Variants in GRM1 observed in about 807,000 individuals in gnomAD.
The protein encoded by GRM1 is glutamate metabotropic receptor 1.
A neutral mutation model predicts 90.9 loss-of-function variants in GRM1; 33 were observed. That is an observed-to-expected ratio of 0.36 (90% CI 0.28 to 0.49). The LOEUF (loss-of-function observed/expected upper bound fraction) is 0.49, where lower values mean the gene tolerates loss of function less well. GRM1 is among the 20% of genes least tolerant of loss of function. The probability of loss-of-function intolerance (pLI) is 0.99; values close to 1 mark genes in which losing one functional copy is unlikely to be tolerated. For missense variants in GRM1, 1,190 were observed against 1,534.3 expected (o/e 0.78, Z 3.75); for synonymous variants, 700 against 613.2 (o/e 1.14, Z -2.09).
At chr6:146,348,535 G>C (rs1785262147) in intron 3 of GRM1, among the ~76,000 whole-genome samples, 1 of 152,214 alleles carries the variant, frequency 6.6e-6, no homozygotes, top group Non-Finnish European at 1.5e-5. Flanking sequence ...GAGTAAGAGA[G>C]CATAGGTACT....
At position 146,398,935 on chromosome 6, in the gene GRM1, C is replaced by T. The variant is rs1332577654; in HGVS notation, c.1896C>T (p.Tyr632=). 2 of 1,614,020 alleles carry T rather than the reference C, an allele frequency of 1.2e-6. No homozygotes were observed. The highest frequency in any genetic ancestry group is 1.3e-5 in the African/African-American group (1 of 74,924). Residue 632 remains tyrosine, a synonymous_variant, in exon 7 of 8, where the codon TAC becomes TAT. Transcript: ENST00000282753. ...AATCCTCCAGTCGGGAGCTCTGCTA[C>T]ATCATCCTAGCTGGCATCTTCCTTG... ...VVKSSSRELC[Y]IILAGIFLGY...
intron 6 of GRM1, among the ~76,000 whole-genome samples, chr6:146,389,851 C>T (rs1776654457): frequency 6.6e-6 from 1 of 152,022 alleles, no homozygotes; most frequent in Admixed American, 6.6e-5. Flanking sequence ...CATATTGATT[C>T]TGCCTTTCTT....
chr6:146,044,010 A>G (rs925207338), intron 1 of GRM1, among the ~76,000 whole-genome samples: 1 of 151,732 alleles, frequency 6.6e-6, no homozygotes, highest in Non-Finnish European at 1.5e-5. Flanking sequence ...ATAACAGAAG[A>G]GAATCATACT....
At chr6:146,408,803 A>G (rs1777451417) in intron 7 of GRM1, among the ~76,000 whole-genome samples, 1 of 152,154 alleles carries the variant, frequency 6.6e-6, no homozygotes, top group Non-Finnish European at 1.5e-5. Context: ...TCAGCTAAAG[A>G]AAGATGAGGT....
chr6:146,194,191 T>C (rs1779033119), intron 2 of GRM1, among the ~76,000 whole-genome samples: 1 of 152,198 alleles, frequency 6.6e-6, no homozygotes, highest in South Asian at 2.1e-4. Flanking sequence ...TTTATGCACT[T>C]GCCTACTCAT....
intron 1 of GRM1, among the ~76,000 whole-genome samples, chr6:146,048,045 C>T (rs1251494213): frequency 5.9e-5 from 9 of 151,972 alleles, no homozygotes; most frequent in Admixed American, 1.3e-4. Context: ...AACCATGCCT[C>T]ATCAACTCTT....
At chr6:146,140,420 C>A (rs1326026518) in intron 1 of GRM1, among the ~76,000 whole-genome samples, 1 of 151,956 alleles carries the variant, frequency 6.6e-6, no homozygotes, top group Non-Finnish European at 1.5e-5. Flanking sequence ...AGGCATGCAC[C>A]ACCATACCAG....
intron 3 of GRM1, among the ~76,000 whole-genome samples, chr6:146,334,347 T>C (rs1784693304): frequency 6.6e-6 from 1 of 152,206 alleles, no homozygotes; most frequent in Non-Finnish European, 1.5e-5. Context: ...GGAGAAAAAC[T>C]ATATGACATC....
chr6:146,429,773 T>C (rs1424173390), intron 7 of GRM1, among the ~76,000 whole-genome samples: 1 of 152,148 alleles, frequency 6.6e-6, no homozygotes, highest in Non-Finnish European at 1.5e-5. Context: ...CAATGGTGTT[T>C]TCCGTTTCCA....
At chr6:146,277,220 G>T (rs1427292617) in intron 2 of GRM1, among the ~76,000 whole-genome samples, 1 of 152,186 alleles carries the variant, frequency 6.6e-6, no homozygotes, top group Non-Finnish European at 1.5e-5. Context: ...CTCAGGAAAG[G>T]GTTAATTTGT....
At chr6:146,300,525 T>C (rs969312482) in intron 2 of GRM1, among the ~76,000 whole-genome samples, 1 of 152,202 alleles carries the variant, frequency 6.6e-6, no homozygotes, top group East Asian at 1.9e-4. Flanking sequence ...TGAGGGGGAA[T>C]AGGAAATAAG....
Position 146,399,830 on chromosome 6 carries a change from C to A in GRM1, c.2660+131C>A, listed in dbSNP as rs2235875. On this transcript the variant is annotated intron_variant, in intron 7 of 7. Transcript: ENST00000282753. The surrounding 1 kb of genome is among the most constrained non-coding windows in gnomAD (Gnocchi z 5.4). ...TCTGAGTTGTCTCTTCCATTTCCCC[C>A]ATGTCTTTCTCTTCCTTTCTTAATC... is the stretch of plus-strand genomic sequence containing the variant. 74,827 of 690,348 alleles carry A rather than the reference C, an allele frequency of 0.11. 12,278 individuals are homozygous for A. Among genetic ancestry groups the A allele is most frequent in the African/African-American group, 0.57 (31,839 of 55,986 alleles). The allele number at this position is 690,348 out of a possible 1,614,324, so 42.8% of individuals were successfully genotyped here. A position where few individuals can be genotyped will look rare whatever the true frequency, so the allele number is the denominator to read the frequency against.
intron 1 of GRM1, among the ~76,000 whole-genome samples, chr6:146,147,442 G>A (rs1396723418): frequency 6.6e-6 from 1 of 152,118 alleles, no homozygotes; most frequent in Non-Finnish European, 1.5e-5. Context: ...TAAGACATAA[G>A]GTCTCCATAA....
intron 2 of GRM1, among the ~76,000 whole-genome samples, chr6:146,269,529 C>G (rs1489331207): frequency 6.6e-6 from 1 of 152,110 alleles, no homozygotes; most frequent in Non-Finnish European, 1.5e-5. Context: ...AGCAGGGGTC[C>G]CCAACCTCCA....
chr6:146,295,503 G>A (rs1783145509), intron 2 of GRM1, among the ~76,000 whole-genome samples: 1 of 152,002 alleles, frequency 6.6e-6, no homozygotes, highest in South Asian at 2.1e-4. Flanking sequence ...AAAGTGCTGG[G>A]ATTAAAGGCA....
At chr6:146,178,074 CTA>C (rs1778398628) in intron 2 of GRM1, among the ~76,000 whole-genome samples, 1 of 152,080 alleles carries the variant, frequency 6.6e-6, no homozygotes, top group African/African-American at 2.4e-5. Context: ...TAACAAAAGT[CTA>C]TGTTTTCCGC....
chr6:146,157,821 T>C (rs56160924), intron 1 of GRM1, among the ~76,000 whole-genome samples: 18,224 of 152,052 alleles, frequency 0.12, 1,957 homozygotes, highest in African/African-American at 0.28. Context: ...TGTTTATAGA[T>C]GTTGTAGTGG....
At chr6:146,300,877 C>T (rs539249692) in intron 2 of GRM1, among the ~76,000 whole-genome samples, 1 of 152,218 alleles carries the variant, frequency 6.6e-6, no homozygotes, top group Admixed American at 6.5e-5. Flanking sequence ...CTGGTTTGCT[C>T]TTTTAAAGTG....
In GRM1 at chr6:146,362,763, C is replaced by A. The variant is rs549508379; in HGVS notation, c.1602+5069C>A. On this transcript the variant is annotated intron_variant, in intron 5 of 7. Transcript: ENST00000282753. ...TCTTAAAAGGCATTAGAAATGTGGC[C>A]CTAAGAAAAGAAGACTGCTTAATTT... Among the ~76,000 whole-genome samples the A allele has an allele frequency of 7.2e-5, 11 of 151,848 alleles. No homozygotes were observed. The South Asian group carries it at 2.3e-3, about 32-fold the overall frequency.
Sources: allele counts gnomAD v4.1 joint callset (sites outside exome capture counted in the v4.1 genomes callset), GRCh38; gene constraint gnomAD v4.1.1; non-coding constraint Gnocchi (gnomAD v3.1); transcripts MANE v1.5; gene names NCBI Gene and HGNC (gene_info 2026-07-23, HGNC 2026-07-21).